Variants in MALRD1 observed in about 807,000 individuals in gnomAD.
The protein encoded by MALRD1 is MAM and LDL-receptor class A domain-containing protein 1.
A neutral mutation model predicts 242.1 loss-of-function variants in MALRD1; 247 were observed. The observed-to-expected ratio is 1.02, with a 90% CI of 0.92 to 1.13. MALRD1 has a LOEUF of 1.13. Ranked by LOEUF, MALRD1 falls within the 50% of genes most tolerant of loss-of-function variation. The pLI, the probability that MALRD1 is intolerant of heterozygous loss-of-function variation, is 0.00. For missense variants in MALRD1, 2,989 were observed against 2,533.1 expected (o/e 1.18, Z -3.86); for synonymous variants, 995 against 866.6 (o/e 1.15, Z -2.60).
At chr10:19,597,468 A>C (rs983237768) in intron 34 of MALRD1, among the ~76,000 whole-genome samples, 3 of 152,196 alleles carry the variant, frequency 2.0e-5, no homozygotes, top group Non-Finnish European at 4.4e-5. Context: ...TCTAGAGCAA[A>C]ATTATAGAAT....
intron 29 of MALRD1, among the ~76,000 whole-genome samples, chr10:19,468,825 T>C (rs1427436593): frequency 6.6e-6 from 1 of 152,162 alleles, no homozygotes; most frequent in Non-Finnish European, 1.5e-5. Flanking sequence ...TCTTTTTGGT[T>C]CTGATACTAA....
intron 5 of MALRD1, among the ~76,000 whole-genome samples, chr10:19,120,013 T>A (rs1837005585): frequency 6.6e-6 from 1 of 152,180 alleles, no homozygotes. Flanking sequence ...AGTAGCAGGA[T>A]ACTGCTGGAG....
chr10:19,704,464 C>T (rs1389692272), intron 38 of MALRD1, among the ~76,000 whole-genome samples: 1 of 152,194 alleles, frequency 6.6e-6, no homozygotes, highest in African/African-American at 2.4e-5. Flanking sequence ...GGGCCATCAT[C>T]GTGGCCTCAT....
chr10:19,346,105 C>T (rs576988282), intron 24 of MALRD1, among the ~76,000 whole-genome samples: 1 of 152,172 alleles, frequency 6.6e-6, no homozygotes, highest in South Asian at 2.1e-4. Flanking sequence ...TCATATTCTC[C>T]ACCTTATAAA....
At chr10:19,212,966 A>G (rs1018857106) in intron 18 of MALRD1, among the ~76,000 whole-genome samples, 1 of 152,284 alleles carries the variant, frequency 6.6e-6, no homozygotes, top group Non-Finnish European at 1.5e-5. Context: ...AGCTTTTAAA[A>G]TATATTTTTG....
At chr10:19,691,158 A>G (rs1479772439) in intron 36 of MALRD1, among the ~76,000 whole-genome samples, 3 of 152,126 alleles carry the variant, frequency 2.0e-5, no homozygotes, top group Non-Finnish European at 2.9e-5. Context: ...GGAAAAAAAC[A>G]AATACCCCAA....
intron 26 of MALRD1, among the ~76,000 whole-genome samples, chr10:19,374,825 G>A (rs1240830523): frequency 6.6e-6 from 1 of 151,962 alleles, no homozygotes; most frequent in African/African-American, 2.4e-5. Context: ...AGGACCTGGG[G>A]GATTATATGA....
intron 9 of MALRD1, among the ~76,000 whole-genome samples, chr10:19,134,902 A>G (rs1210967052): frequency 6.6e-6 from 1 of 152,090 alleles, no homozygotes; most frequent in African/African-American, 2.4e-5. Flanking sequence ...AAAACCATCA[A>G]TTTTTGAACC....
intron 26 of MALRD1, among the ~76,000 whole-genome samples, chr10:19,358,838 C>A (rs901152539): frequency 1.3e-5 from 2 of 152,146 alleles, no homozygotes; most frequent in African/African-American, 4.8e-5. Flanking sequence ...TTTATACTTG[C>A]TGTTCTTTCT....
intron 18 of MALRD1, among the ~76,000 whole-genome samples, chr10:19,222,575 A>G (rs1233638012): frequency 6.6e-6 from 1 of 152,208 alleles, no homozygotes; most frequent in African/African-American, 2.4e-5. Context: ...ACCATACCTG[A>G]TATCAATCAT....
chr10:19,194,583 T>C lies in MALRD1; in HGVS notation c.1952-9145T>C, dbSNP rs1012413399. 7.9e-5 allele frequency among the ~76,000 whole-genome samples: 12 copies of C among 152,126 alleles called. 1 individual carries two copies. The highest frequency in any genetic ancestry group is 7.9e-4 in the Admixed American group (12 of 15,260). On this transcript the variant is annotated intron_variant, in intron 14 of 39. Transcript: ENST00000454679. ...TGCTTGTGAACTAGATCCCATCCTTTCTTTACTATTCAATGGTGTCTCTCC... is the reference window on the plus strand; with the variant it reads ...TGCTTGTGAACTAGATCCCATCCTTCCTTTACTATTCAATGGTGTCTCTCC...
intron 33 of MALRD1, among the ~76,000 whole-genome samples, chr10:19,586,019 G>A (rs1300502276): frequency 3.3e-5 from 5 of 151,964 alleles, no homozygotes; most frequent in African/African-American, 4.8e-5. Context: ...TGATCGCATC[G>A]GCTCCTGAGG....
intron 29 of MALRD1, chr10:19,489,357 G>A: frequency 1.8e-6 from 1 of 542,862 alleles, no homozygotes; most frequent in Non-Finnish European, 3.7e-6. Flanking sequence ...ACTGAGGAGA[G>A]TCCAGCCTCT....
intron 33 of MALRD1, among the ~76,000 whole-genome samples, chr10:19,586,154 C>CT (rs1479533510): frequency 1.3e-5 from 2 of 152,120 alleles, no homozygotes; most frequent in African/African-American, 4.8e-5. Context: ...TTTTCAACTT[C>CT]TTTGCCTTTG....
At chr10:19,374,978 G>A (rs143601536) in intron 26 of MALRD1, among the ~76,000 whole-genome samples, 1 of 152,248 alleles carries the variant, frequency 6.6e-6, no homozygotes, top group Admixed American at 6.5e-5. Context: ...CCTACCACGT[G>A]CAATGATAAT....
In MALRD1 at chr10:19,324,086, C is replaced by T. The variant is rs1024040467; in HGVS notation, c.3557C>T (p.Ala1186Val). ...GTGTTCTGGACACATATGAATGGGG[C>T]CACCGTTGGTTCTCTCCAGGTACTG... ...TLVFWTHMNG[A>V]TVGSLQVLIK... The change falls in exon 22 of 40, where the codon GCC becomes GTC. Residue 1186 changes from alanine to valine, a missense_variant. Ala to Val is a moderately conservative substitution (Grantham distance 64). Coordinates refer to ENST00000454679, the MANE Select transcript of MALRD1 (RefSeq NM_001142308.3). The T allele has an allele frequency of 5.2e-6, 8 of 1,550,048 alleles. No individual in the cohort carries two copies. Among genetic ancestry groups the T allele is most frequent in the Admixed American group, 2.0e-5 (1 of 50,952 alleles).
chr10:19,405,520 CA>C (rs562963506), intron 28 of MALRD1, among the ~76,000 whole-genome samples: 37 of 152,224 alleles, frequency 2.4e-4, no homozygotes, highest in African/African-American at 8.2e-4. Flanking sequence ...AACAAAGATT[CA>C]ATGGGAGGAA....
intron 36 of MALRD1, chr10:19,633,689 C>T (rs1351481102): frequency 4.6e-5 from 7 of 152,046 alleles, no homozygotes; most frequent in African/African-American, 1.4e-4. Context: ...TTTAAGCCTA[C>T]AGCACACGGT....
chr10:19,148,712 T>G (rs1833810059), intron 11 of MALRD1, among the ~76,000 whole-genome samples: 1 of 149,618 alleles, frequency 6.7e-6, no homozygotes, highest in Non-Finnish European at 1.5e-5. Context: ...TAGGGGCAGC[T>G]GGTCTCACCC....
Sources: allele counts gnomAD v4.1 joint callset (sites outside exome capture counted in the v4.1 genomes callset), GRCh38; gene constraint gnomAD v4.1.1; transcripts MANE v1.5; gene names NCBI Gene and HGNC (gene_info 2026-07-23, HGNC 2026-07-21).